DOCK4: variants seen among roughly 807,000 people sequenced by gnomAD.
The protein encoded by DOCK4 is dedicator of cytokinesis protein 4.
A neutral mutation model predicts 268.1 loss-of-function variants in DOCK4; 97 were observed. The ratio of observed to expected loss-of-function variants is 0.36; its 90% CI spans 0.31 to 0.43. The LOEUF is 0.43. DOCK4 is among the 20% of genes least tolerant of loss of function. DOCK4 has a pLI of 1.00. For synonymous variants in DOCK4, 954 were observed against 887.2 expected (o/e 1.08, Z -1.34); for missense variants, 2,145 against 2,455.7 (o/e 0.87, Z 2.67).
At chr7:111,740,201 G>A (rs964251480) in intron 47 of DOCK4, 4 of 351,144 alleles carry the variant, frequency 1.1e-5, no homozygotes, top group African/African-American at 8.9e-5. Context: ...CCAGGTTCAA[G>A]CGATTCTCCT....
intron 30 of DOCK4, among the ~76,000 whole-genome samples, chr7:111,802,247 G>T (rs144521037): frequency 2.6e-5 from 4 of 152,178 alleles, no homozygotes; most frequent in African/African-American, 7.2e-5. Context: ...GAAATTGAGT[G>T]GGGGGAAAGA....
chr7:112,112,655 C>A (rs201141917), intron 1 of DOCK4, among the ~76,000 whole-genome samples: 4,307 of 150,428 alleles, frequency 0.029, 167 homozygotes, highest in East Asian at 0.2. Context: ...AAAAAAAAAA[C>A]AAAAGAAGAT....
chr7:111,981,787 C>T (rs946999807), intron 7 of DOCK4, among the ~76,000 whole-genome samples: 4 of 152,120 alleles, frequency 2.6e-5, no homozygotes, highest in African/African-American at 4.8e-5. Context: ...TTCCCACCAA[C>T]GGCCAACATT....
chr7:111,971,667 G>A, intron 8 of DOCK4: 1 of 243,338 alleles, frequency 4.1e-6, no homozygotes, highest in Non-Finnish European at 7.8e-6. Flanking sequence ...TTCTCAGCCT[G>A]GGCCAACAGC....
chr7:112,066,608 G>A (rs1184070326), intron 1 of DOCK4, among the ~76,000 whole-genome samples: 3 of 84,914 alleles, frequency 3.5e-5, no homozygotes, highest in African/African-American at 1.9e-4. Flanking sequence ...ATATATACAC[G>A]TGTATACATA....
intron 1 of DOCK4, among the ~76,000 whole-genome samples, chr7:112,040,357 C>A (rs770572667): frequency 1.1e-4 from 16 of 152,116 alleles, no homozygotes; most frequent in Admixed American, 5.2e-4. Context: ...TTAAATAAAT[C>A]ATTCTGCCCC....
intron 51 of DOCK4, among the ~76,000 whole-genome samples, chr7:111,733,846 T>A (rs745527804): frequency 2.0e-5 from 3 of 152,224 alleles, no homozygotes; most frequent in Non-Finnish European, 2.9e-5. Context: ...TTAAAGTTAT[T>A]TCTTGTTTTC....
chr7:111,996,099 C>G (rs1799933828), intron 4 of DOCK4, among the ~76,000 whole-genome samples: 1 of 152,170 alleles, frequency 6.6e-6, no homozygotes, highest in African/African-American at 2.4e-5. Context: ...ACCTGACATA[C>G]TACTTAACAT....
chr7:112,183,768 G>A (rs1819253718), intron 1 of DOCK4, among the ~76,000 whole-genome samples: 1 of 152,204 alleles, frequency 6.6e-6, no homozygotes, highest in Non-Finnish European at 1.5e-5. Context: ...GTCAGCAACA[G>A]GTAGCAGTAT....
chr7:112,146,569 A>G (rs1483037108), intron 1 of DOCK4, among the ~76,000 whole-genome samples: 1 of 151,500 alleles, frequency 6.6e-6, no homozygotes, highest in African/African-American at 2.4e-5. Context: ...TCATCTCTAC[A>G]AAAACTATAA....
intron 7 of DOCK4, among the ~76,000 whole-genome samples, chr7:111,982,223 GC>G (rs1798666773): frequency 6.6e-6 from 1 of 152,146 alleles, no homozygotes; most frequent in Non-Finnish European, 1.5e-5. Flanking sequence ...GGTGATGGAA[GC>G]CATGTTCAAT....
chr7:111,852,007 A>C (rs1264270147), intron 23 of DOCK4, among the ~76,000 whole-genome samples: 3 of 130,430 alleles, frequency 2.3e-5, no homozygotes, highest in Admixed American at 9.1e-5. Flanking sequence ...TCTGTCATCC[A>C]GGCTGGAGTG....
intron 4 of DOCK4, among the ~76,000 whole-genome samples, chr7:111,995,485 C>T (rs1267903437): frequency 6.7e-6 from 1 of 149,378 alleles, no homozygotes; most frequent in African/African-American, 2.5e-5. Context: ...GGTTTAGTGG[C>T]TATTACTACC....
intron 22 of DOCK4, among the ~76,000 whole-genome samples, chr7:111,867,362 G>A (rs1377636184): frequency 6.6e-6 from 1 of 152,054 alleles, no homozygotes; most frequent in Admixed American, 6.6e-5. Context: ...TATACAAGAA[G>A]AATCAAGAAA....
At chr7:112,002,378 G>A (rs1473191529) in intron 2 of DOCK4, among the ~76,000 whole-genome samples, 2 of 152,128 alleles carry the variant, frequency 1.3e-5, no homozygotes, top group South Asian at 4.1e-4. Flanking sequence ...AAAAGTCTTA[G>A]ATTACAAAAC....
chr7:111,907,585 A>G (rs746467280), intron 13 of DOCK4, among the ~76,000 whole-genome samples: 1 of 152,256 alleles, frequency 6.6e-6, no homozygotes. Context: ...CTCTCTCTTC[A>G]GTCACTGTGG....
chr7:112,133,422 A>G (rs1813996278), intron 1 of DOCK4, among the ~76,000 whole-genome samples: 1 of 152,172 alleles, frequency 6.6e-6, no homozygotes, highest in African/African-American at 2.4e-5. Context: ...CCTGAATGAA[A>G]AAAAGTATGC....
At chr7:111,938,529 A>G (rs907979039) in intron 11 of DOCK4, among the ~76,000 whole-genome samples, 3 of 152,206 alleles carry the variant, frequency 2.0e-5, no homozygotes, top group Non-Finnish European at 4.4e-5. Flanking sequence ...ATGTTGCTGT[A>G]TATTAGGCCT....
At chr7:111,739,814 A>G (rs1029490777) in intron 47 of DOCK4, 7 of 355,226 alleles carry the variant, frequency 2.0e-5, no homozygotes, top group South Asian at 1.7e-4. Flanking sequence ...AAGGCATAAA[A>G]TATGCCTTCT....
Sources: gnomAD v4.1 joint callset for allele counts (sites outside exome capture counted in the v4.1 genomes callset) on GRCh38, gnomAD v4.1.1 for gene constraint, MANE v1.5 for transcripts, NCBI Gene and HGNC (gene_info 2026-07-23, HGNC 2026-07-21) for gene names.